ZNF362: variants seen among roughly 807,000 people sequenced by gnomAD.
ZNF362 encodes the protein zinc finger protein 362.
In ZNF362, 11 loss-of-function variants were observed where a neutral mutation model predicts 42.9. The observed-to-expected ratio is 0.26, with a 90% confidence interval of 0.16 to 0.42. The LOEUF (loss-of-function observed/expected upper bound fraction) is 0.42, where lower values mean the gene tolerates loss of function less well. Among genes scored for constraint, ZNF362 ranks in the 20% least tolerant of loss-of-function variants. The probability of loss-of-function intolerance (pLI) is 1.00; values close to 1 mark genes in which losing one functional copy is unlikely to be tolerated. For missense variants in ZNF362, 362 were observed against 576.2 expected (o/e 0.63, Z 3.81); for synonymous variants, 255 against 257.3 (o/e 0.99, Z 0.09).
At chr1:33,263,373 G>A (rs1159319306) in intron 1 of ZNF362, among the ~76,000 whole-genome samples, 1 of 152,120 alleles carries the variant, frequency 6.6e-6, no homozygotes, top group Non-Finnish European at 1.5e-5. Flanking sequence ...TGCCCTAGCG[G>A]AGGTAGACAG....
rs1646161785 is a variant in ZNF362 at position 33,300,668 on chromosome 1, C to T, written c.*1622C>T. On this transcript the variant is annotated 3_prime_UTR_variant, in exon 9 of 9. Transcript: ENST00000539719. ...GCAAGAAACAAAGGAATTACAAACC[C>T]TCTGCTCTTTGTATTTCTCTGTTGT... is the stretch of plus-strand genomic sequence containing the variant. 1.3e-5 allele frequency: 2 copies of T among 152,116 alleles called. No homozygotes were observed. Among genetic ancestry groups the T allele is most frequent in the South Asian group, 2.1e-4 (1 of 4,818 alleles). The allele number at this position is 152,116 out of a possible 1,614,324, so 9.4% of individuals were successfully genotyped here. A position where few individuals can be genotyped will look rare whatever the true frequency, so the allele number is the denominator to read the frequency against.
chr1:33,164,281 T>C, the ZNF362 span: 10 of 152,286 alleles, frequency 6.6e-5, no homozygotes, highest in Middle Eastern at 3.2e-3. Flanking sequence ...GGGTTTCCAA[T>C]GGTGTCTTCA....
At chr1:33,134,958 C>T in the ZNF362 span, among the ~76,000 whole-genome samples, 1 of 152,188 alleles carries the variant, frequency 6.6e-6, no homozygotes, top group Non-Finnish European at 1.5e-5. Flanking sequence ...GTGTTTCACT[C>T]CACATAAATA....
chr1:33,211,224 C>T, the ZNF362 span, among the ~76,000 whole-genome samples: 18 of 152,240 alleles, frequency 1.2e-4, no homozygotes, highest in Admixed American at 4.6e-4. Flanking sequence ...TGAGCCACCG[C>T]GCCAGGCCTA....
chr1:33,270,735 G>T (rs971704651), intron 2 of ZNF362, 123 bp downstream of exon 2: 47 of 1,501,652 alleles, frequency 3.1e-5, no homozygotes, highest in South Asian at 9.6e-5. Flanking sequence ...GGTCTGCCCT[G>T]GGGGAGGTGT....
the ZNF362 span, among the ~76,000 whole-genome samples, chr1:33,178,115 T>C: frequency 6.6e-6 from 1 of 152,192 alleles, no homozygotes; most frequent in African/African-American, 2.4e-5. Flanking sequence ...TAGGCCCAGC[T>C]TCCTCTGGCT....
chr1:33,216,537 T>A, the ZNF362 span, among the ~76,000 whole-genome samples: 1 of 120,858 alleles, frequency 8.3e-6, no homozygotes, highest in African/African-American at 3.0e-5. Context: ...GAGGCAGAGG[T>A]TGCAGTGAGC....
the ZNF362 span, chr1:33,195,322 A>C: frequency 1.3e-5 from 2 of 152,236 alleles, no homozygotes; most frequent in African/African-American, 2.4e-5. Context: ...GAGGGGAAGA[A>C]TCTTCCAATC....
Position 33,299,950 on chromosome 1 carries a change from A to G in ZNF362, c.*904A>G, listed in dbSNP as rs982960861. On this transcript the variant is annotated 3_prime_UTR_variant, in exon 9 of 9. Transcript: ENST00000539719. ...TGGGGGCAGTGCCCAGGGAGGGGTT[A>G]TTTGTCTTCCCTGCCATGGAGTGGG... is the stretch of plus-strand genomic sequence containing the variant. The G allele has an allele frequency of 1.3e-5, 2 of 152,464 alleles. No individual in the cohort carries two copies. Among genetic ancestry groups the G allele is most frequent in the Non-Finnish European group, 2.9e-5 (2 of 68,014 alleles). The allele number at this position is 152,464 out of a possible 1,614,324, so 9.4% of individuals were successfully genotyped here.
chr1:33,159,594 C>T, the ZNF362 span: 1 of 1,460,884 alleles, frequency 6.8e-7, no homozygotes, highest in Non-Finnish European at 9.1e-7. This position sits in a 1 kb window ranked among gnomAD's most constrained non-coding sequence, Gnocchi z 4.2. Context: ...AAAGAATTCT[C>T]TGCTAAGGAT....
At chr1:33,214,114 C>T in the ZNF362 span, among the ~76,000 whole-genome samples, 1 of 151,098 alleles carries the variant, frequency 6.6e-6, no homozygotes, top group African/African-American at 2.5e-5. Flanking sequence ...AATTGAAAGA[C>T]ACAAAATAAG....
At chr1:33,189,655 A>G in the ZNF362 span, among the ~76,000 whole-genome samples, 203 of 23,166 alleles carry the variant, frequency 8.8e-3, 2 homozygotes, top group African/African-American at 0.016. Context: ...ATATATATAT[A>G]TATATATATA....
the ZNF362 span, chr1:33,165,620 T>C: frequency 6.7e-7 from 1 of 1,496,988 alleles, no homozygotes; most frequent in South Asian, 1.3e-5. The surrounding 1 kb of genome is among the most constrained non-coding windows in gnomAD (Gnocchi z 4.0). Flanking sequence ...GGCCCAGGCA[T>C]TCAGCCCTGA....
At chr1:33,258,852 T>C (rs1374033082) in intron 1 of ZNF362, among the ~76,000 whole-genome samples, 1 of 152,206 alleles carries the variant, frequency 6.6e-6, no homozygotes, top group African/African-American at 2.4e-5. Context: ...TAATGGGGAT[T>C]ATGAACCTCA....
intron 1 of ZNF362, among the ~76,000 whole-genome samples, chr1:33,270,258 C>T (rs1557789483): frequency 6.6e-6 from 1 of 152,142 alleles, no homozygotes; most frequent in Non-Finnish European, 1.5e-5. Context: ...GCAGTTGGCC[C>T]TGTAGTGCTG....
intron 6 of ZNF362, among the ~76,000 whole-genome samples, chr1:33,292,715 G>T (rs1481249533): frequency 3.9e-5 from 6 of 152,176 alleles, no homozygotes; most frequent in Non-Finnish European, 7.3e-5. Flanking sequence ...TGGTTGTGGG[G>T]TTTAAAACAA....
chr1:33,263,709 C>G (rs1645845065), intron 1 of ZNF362, among the ~76,000 whole-genome samples: 2 of 152,148 alleles, frequency 1.3e-5, no homozygotes, highest in Non-Finnish European at 2.9e-5. Context: ...CCGTGCCCAG[C>G]CACATGATGA....
the ZNF362 span, among the ~76,000 whole-genome samples, chr1:33,190,300 C>T: frequency 6.6e-6 from 1 of 152,284 alleles, no homozygotes; most frequent in African/African-American, 2.4e-5. Context: ...GTAAGGGCCC[C>T]TTGGTTGAGT....
At chr1:33,216,590 ACT>A in the ZNF362 span, among the ~76,000 whole-genome samples, 6 of 86,800 alleles carry the variant, frequency 6.9e-5, no homozygotes, top group Admixed American at 1.5e-4. Context: ...ACAGAGCAAG[ACT>A]CTGTCTCAAA....
Sources: allele counts gnomAD v4.1 joint callset (sites outside exome capture counted in the v4.1 genomes callset), GRCh38; gene constraint gnomAD v4.1.1; non-coding constraint Gnocchi (gnomAD v3.1); transcripts MANE v1.5; gene names NCBI Gene and HGNC (gene_info 2026-07-23, HGNC 2026-07-21).